ACACA: variants seen among roughly 807,000 people sequenced by gnomAD.
ACACA encodes the protein acetyl-CoA carboxylase alpha, also known as acetyl-CoA carboxylase 1.
In ACACA, 103 loss-of-function variants were observed where a neutral mutation model predicts 296.1. The ratio of observed to expected loss-of-function variants is 0.35; its 90% CI spans 0.30 to 0.41. The LOEUF (loss-of-function observed/expected upper bound fraction) is 0.41, where lower values mean the gene tolerates loss of function less well. ACACA is among the 10% of genes least tolerant of loss of function. The probability of loss-of-function intolerance (pLI) is 1.00; values close to 1 mark genes in which losing one functional copy is unlikely to be tolerated. For synonymous variants in ACACA, 953 were observed against 1,038.6 expected (o/e 0.92, Z 1.58); for missense variants, 1,554 against 2,989.7 (o/e 0.52, Z 11.20).
intron 50 of ACACA, among the ~76,000 whole-genome samples, chr17:37,120,843 T>C (rs17841492): frequency 0.033 from 5,000 of 152,280 alleles, 227 homozygotes; most frequent in African/African-American, 0.1. Context: ...GCCTTTGTAA[T>C]AATGGTCTAA....
chr17:37,345,067 C>G (rs965062316), intron 1 of ACACA, among the ~76,000 whole-genome samples: 77 of 152,212 alleles, frequency 5.1e-4, no homozygotes, highest in African/African-American at 1.7e-3. Flanking sequence ...GTCACCTTCC[C>G]GGAGAGAGAT....
intron 3 of ACACA, among the ~76,000 whole-genome samples, chr17:37,329,556 T>G (rs1022824886): frequency 4.7e-5 from 7 of 149,772 alleles, no homozygotes; most frequent in East Asian, 2.0e-4. Context: ...CAGGAGAATC[T>G]CTTGAACCTG....
In ACACA at chr17:37,240,579, A is replaced by C. The variant is rs1236087350; in HGVS notation, c.3033-15T>G. ...CACTTCGGTACCTAGGCAAATAGAA[A>C]GTCTCCACTGAAAAACCTGACAATC... On this transcript the variant is annotated splice_polypyrimidine_tract_variant and intron_variant, in intron 23 of 55. Transcript: ENST00000616317. 10 of 1,607,436 alleles carry C rather than the reference A, an allele frequency of 6.2e-6. No individual in the cohort carries two copies. The highest frequency in any genetic ancestry group is 4.0e-5 in the African/African-American group (3 of 75,026).
At chr17:37,328,784 T>C (rs957096539) in intron 3 of ACACA, 15 of 397,970 alleles carry the variant, frequency 3.8e-5, no homozygotes, top group African/African-American at 2.9e-4. Flanking sequence ...ACTTATGTTA[T>C]CTAGGGTACA....
chr17:37,378,063 A>C, intron 1 of ACACA: 1 of 1,127,372 alleles, frequency 8.9e-7, no homozygotes, highest in Non-Finnish European at 1.3e-6. Context: ...CCCATATCTC[A>C]AATATCCTAT....
At chr17:37,400,621 G>C (rs950228954) in intron 1 of ACACA, among the ~76,000 whole-genome samples, 14 of 152,018 alleles carry the variant, frequency 9.2e-5, no homozygotes, top group African/African-American at 3.4e-4. Context: ...AGCAGTATTT[G>C]TTTTTCTGTG....
At chr17:37,320,539 A>G (rs924930919) in intron 3 of ACACA, among the ~76,000 whole-genome samples, 2 of 151,554 alleles carry the variant, frequency 1.3e-5, no homozygotes, top group South Asian at 4.2e-4. Flanking sequence ...CTGTTACACC[A>G]AAGGTTTTAG....
rs756128282 is a variant in ACACA, at chr17:37,339,854, GAGAGAA to G, written c.39-10_39-5del. ...AGATATCCACTTCCAAAAAGACCTA[GAGAGAA>G]AGAGAAAGATTTTAAGGTTTTTTTT... On this transcript the variant is annotated splice_region_variant and splice_polypyrimidine_tract_variant and intron_variant, in intron 1 of 55. Transcript: ENST00000616317. The G allele has an allele frequency of 1.6e-6, 2 of 1,250,532 alleles. No individual in the cohort carries two copies. Among genetic ancestry groups the G allele is most frequent in the Non-Finnish European group, 2.2e-6 (2 of 891,158 alleles). The allele number at this position is 1,250,532 out of a possible 1,614,324, so 77.5% of individuals were successfully genotyped here. A position where few individuals can be genotyped will look rare whatever the true frequency, so the allele number is the denominator to read the frequency against.
rs2077789755 is a variant in ACACA, at chr17:37,192,281, G to A, written c.4225C>T (p.His1409Tyr). 1 of 1,613,908 alleles carries A rather than the reference G, an allele frequency of 6.2e-7. No individual in the cohort carries two copies. The highest frequency in any genetic ancestry group is 1.3e-5 in the African/African-American group (1 of 74,910). Residue 1409 changes from histidine to tyrosine, a missense_variant, in exon 37 of 56, where the codon CAT (histidine) becomes TAT (tyrosine). His to Tyr is a moderately conservative substitution (Grantham distance 83). Around this residue, in one of 16 missense-constraint regions of ACACA, gnomAD observed 179 missense variants for 283.2 expected, o/e 0.63. Transcript: ENST00000616317. ...TGGAAAGCCAGAGCAGGCTCCAGAT[G>A]ACGATAGATACGATCCTCCTCAAAC... is the stretch of plus-strand genomic sequence containing the variant. ...DKFEEDRIYR[H>Y]LEPALAFQLE...
At chr17:37,229,629 G>C (rs1485894015) in intron 25 of ACACA, among the ~76,000 whole-genome samples, 2 of 151,886 alleles carry the variant, frequency 1.3e-5, no homozygotes, top group Non-Finnish European at 2.9e-5. Flanking sequence ...TAACTTAAAA[G>C]ACAAAACAAA....
intron 41 of ACACA, 83 bp from the exon 42 acceptor site, chr17:37,162,133 ACCTAGG>A: frequency 7.0e-7 from 1 of 1,438,768 alleles, no homozygotes; most frequent in Admixed American, 1.7e-5. Context: ...ATCAGAGTAT[ACCTAGG>A]CACAGCCATT....
chr17:37,164,287 C>T (rs763809171), intron 41 of ACACA, among the ~76,000 whole-genome samples: 2 of 152,150 alleles, frequency 1.3e-5, no homozygotes, highest in African/African-American at 4.8e-5. Context: ...CATGCATCAC[C>T]CAGACTCAAC....
rs1277892620 is a variant in ACACA at position 37,242,036 on chromosome 17, A to G, written c.2949T>C (p.Asp983=). 1.2e-6 allele frequency: 2 copies of G among 1,613,816 alleles called. No homozygotes were observed. The highest frequency in any genetic ancestry group is 1.3e-5 in the African/African-American group (1 of 74,872). Residue 983 remains aspartate, a synonymous_variant, in exon 23 of 56, where the codon GAT becomes GAC. Coordinates refer to ENST00000616317, the MANE Select transcript of ACACA (RefSeq NM_198834.3). ...TCCGGTTCAATGTAGCTGCATGGCT[A>G]TCTAGGATGTTTGCAATCTAAGGTA... is the stretch of plus-strand genomic sequence containing the variant. ...FPSQQIANIL[D]SHAATLNRKS... is the part of the protein sequence containing the mutation.
chr17:37,105,751 C>T (rs915930162), intron 52 of ACACA, among the ~76,000 whole-genome samples: 7 of 151,310 alleles, frequency 4.6e-5, no homozygotes, highest in African/African-American at 1.7e-4. Flanking sequence ...ATAATCCTAG[C>T]TACTCAGGAG....
chr17:37,219,741 TATA>T (rs2079198470), intron 29 of ACACA, among the ~76,000 whole-genome samples: 2 of 149,100 alleles, frequency 1.3e-5, no homozygotes, highest in Non-Finnish European at 3.0e-5. Context: ...ATATTATGTA[TATA>T]ATCTTATAAA....
At chr17:37,195,165 A>G (rs1192693401) in intron 35 of ACACA, among the ~76,000 whole-genome samples, 2 of 152,222 alleles carry the variant, frequency 1.3e-5, no homozygotes, top group Non-Finnish European at 2.9e-5. Flanking sequence ...AGTCAAGGAA[A>G]GTGATAATAT....
chr17:37,249,798 G>A (rs780046899), intron 16 of ACACA, among the ~76,000 whole-genome samples: 4 of 152,166 alleles, frequency 2.6e-5, no homozygotes, highest in African/African-American at 4.8e-5. Flanking sequence ...GATATGGTTC[G>A]GCTGTGTTCC....
At chr17:37,143,486 T>C (rs1274342325) in intron 45 of ACACA, 1 of 310,682 alleles carries the variant, frequency 3.2e-6, no homozygotes. Context: ...TTAGTGGCTA[T>C]GAAAATACCA....
At chr17:37,342,436 A>AT (rs1187263633) in intron 1 of ACACA, among the ~76,000 whole-genome samples, 10 of 58,216 alleles carry the variant, frequency 1.7e-4, no homozygotes, top group Admixed American at 3.6e-4. Context: ...AAAAAAAAAA[A>AT]ATATATATAT....
Sources: gnomAD v4.1 joint callset for allele counts (sites outside exome capture counted in the v4.1 genomes callset) on GRCh38, gnomAD v4.1.1 for gene constraint, gnomAD v4.1.1 regional missense constraint, MANE v1.5 for transcripts, NCBI Gene and HGNC (gene_info 2026-07-23, HGNC 2026-07-21) for gene names.